PCDH15: variants seen among roughly 807,000 people sequenced by gnomAD.
PCDH15 encodes the protein protocadherin-15.
A neutral mutation model predicts 178.5 loss-of-function variants in PCDH15; 129 were observed. The ratio of observed to expected loss-of-function variants is 0.72; its 90% CI spans 0.63 to 0.84. The LOEUF (loss-of-function observed/expected upper bound fraction) is 0.84. PCDH15 is among the 40% of genes least tolerant of loss of function. The probability of loss-of-function intolerance (pLI) is 0.00; values close to 1 mark genes in which losing one functional copy is unlikely to be tolerated. For missense variants in PCDH15, 2,230 were observed against 2,099.9 expected (o/e 1.06, Z -1.21); for synonymous variants, 800 against 732.0 (o/e 1.09, Z -1.50).
intron 2 of PCDH15, among the ~76,000 whole-genome samples, chr10:54,641,702 A>G (rs1402914086): frequency 1.4e-5 from 2 of 139,594 alleles, no homozygotes. Flanking sequence ...TTAAACTACT[A>G]TTATCTCTCC....
chr10:54,371,328 G>A (rs1426632659), intron 4 of PCDH15, among the ~76,000 whole-genome samples: 1 of 151,712 alleles, frequency 6.6e-6, no homozygotes, highest in Non-Finnish European at 1.5e-5. Flanking sequence ...TGGGCTACTG[G>A]AACACTAATG....
At chr10:53,938,746 G>T in intron 25 of PCDH15, 69 bp downstream of exon 25, 1 of 1,468,720 alleles carries the variant, frequency 6.8e-7, no homozygotes, top group Admixed American at 1.7e-5. Flanking sequence ...TTAGACATAG[G>T]TATTTCATTT....
chr10:54,659,209 G>C (rs963644806), intron 2 of PCDH15, among the ~76,000 whole-genome samples: 5 of 152,128 alleles, frequency 3.3e-5, no homozygotes, highest in African/African-American at 1.2e-4. Flanking sequence ...GACAGCACCA[G>C]ATAGATTATC....
At chr10:55,106,652 G>C (rs369195727) in intron 2 of PCDH15, among the ~76,000 whole-genome samples, 9 of 152,020 alleles carry the variant, frequency 5.9e-5, no homozygotes, top group Admixed American at 3.3e-4. Context: ...CTGACCTCAG[G>C]TGATCCACCC....
chr10:54,308,858 A>G (rs2060716071), intron 8 of PCDH15, among the ~76,000 whole-genome samples: 1 of 151,912 alleles, frequency 6.6e-6, no homozygotes. Flanking sequence ...ATTCAGGACA[A>G]TACTTGCTGA....
In PCDH15 at chr10:54,330,607, A is replaced by G. The variant is rs547475647; in HGVS notation, c.595-901T>C. Among the ~76,000 whole-genome samples the G allele has an allele frequency of 2.6e-5, 4 of 151,934 alleles. No individual in the cohort carries two copies. In the Admixed American group the frequency reaches 2.6e-4, roughly 10 times the overall value. On this transcript the variant is annotated intron_variant, in intron 6 of 37. Coordinates refer to ENST00000644397, the MANE Select transcript of PCDH15 (RefSeq NM_001384140.1). ...TCATTTTTTTCTTTTAGGTTCCACAACTTCTGCTCATTAGTTAAGTTCTCT... is the reference window on the plus strand; with the variant it reads ...TCATTTTTTTCTTTTAGGTTCCACAGCTTCTGCTCATTAGTTAAGTTCTCT...
intron 2 of PCDH15, among the ~76,000 whole-genome samples, chr10:55,336,214 T>C (rs1007408124): frequency 6.8e-6 from 1 of 148,100 alleles, no homozygotes; most frequent in Non-Finnish European, 1.5e-5. Context: ...AAAACAATTC[T>C]CTGGGCCGGG....
At chr10:55,592,579 T>C (rs575236599) in intron 2 of PCDH15, among the ~76,000 whole-genome samples, 1 of 152,292 alleles carries the variant, frequency 6.6e-6, no homozygotes, top group South Asian at 2.1e-4. Context: ...GTGGCTTCCC[T>C]GTGGGGTGCC....
intron 17 of PCDH15, among the ~76,000 whole-genome samples, chr10:54,076,934 C>T (rs1049448617): frequency 1.3e-5 from 2 of 151,930 alleles, no homozygotes; most frequent in Admixed American, 6.6e-5. Flanking sequence ...TGTTTTAAAC[C>T]ACATGATTCT....
At chr10:55,550,469 T>C (rs1841982556) in intron 2 of PCDH15, among the ~76,000 whole-genome samples, 1 of 152,132 alleles carries the variant, frequency 6.6e-6, no homozygotes, top group Non-Finnish European at 1.5e-5. Flanking sequence ...TCTTATAGAA[T>C]ACAGCCTCAG....
chr10:54,521,854 C>T (rs2082899760), intron 3 of PCDH15, among the ~76,000 whole-genome samples: 1 of 151,898 alleles, frequency 6.6e-6, no homozygotes, highest in Non-Finnish European at 1.5e-5. Context: ...CTTTGGGAGG[C>T]CGAGGCGGGT....
intron 15 of PCDH15, among the ~76,000 whole-genome samples, chr10:54,103,863 C>T (rs1002182356): frequency 6.6e-6 from 1 of 152,102 alleles, no homozygotes; most frequent in Admixed American, 6.5e-5. Context: ...ACCATTATCC[C>T]ATACCCATAA....
intron 3 of PCDH15, among the ~76,000 whole-genome samples, chr10:54,861,787 C>A (rs973561252): frequency 6.6e-6 from 1 of 152,112 alleles, no homozygotes; most frequent in Admixed American, 6.5e-5. Flanking sequence ...TGATTTTATA[C>A]ATAAAAACCC....
chr10:54,595,200 A>G (rs2092156941), intron 2 of PCDH15, among the ~76,000 whole-genome samples: 1 of 152,198 alleles, frequency 6.6e-6, no homozygotes, highest in Non-Finnish European at 1.5e-5. Context: ...GGGAGTAGCC[A>G]TTAGAGTGTT....
chr10:55,401,915 C>A (rs573609905), intron 2 of PCDH15, among the ~76,000 whole-genome samples: 2 of 151,884 alleles, frequency 1.3e-5, no homozygotes, highest in African/African-American at 4.8e-5. Flanking sequence ...AGAATGGATG[C>A]TACCCTGAAA....
chr10:55,167,117 AT>A (rs1429374524), intron 1 of PCDH15, among the ~76,000 whole-genome samples: 2 of 152,026 alleles, frequency 1.3e-5, no homozygotes, highest in Non-Finnish European at 2.9e-5. Context: ...TAGCATTTTT[AT>A]TTTATTTTGT....
At chr10:54,224,661 G>A (rs2053236488) in intron 9 of PCDH15, among the ~76,000 whole-genome samples, 1 of 151,898 alleles carries the variant, frequency 6.6e-6, no homozygotes, top group Non-Finnish European at 1.5e-5. Flanking sequence ...TTTCATCTAT[G>A]CCCTAACAAC....
chr10:54,373,866 A>T (rs955404821), intron 4 of PCDH15, among the ~76,000 whole-genome samples: 4 of 152,070 alleles, frequency 2.6e-5, no homozygotes, highest in Admixed American at 1.3e-4. Flanking sequence ...ATAGCACTGG[A>T]TAACAGTGAT....
chr10:55,145,344 T>G (rs2132093582), intron 2 of PCDH15, among the ~76,000 whole-genome samples: 1 of 152,054 alleles, frequency 6.6e-6, no homozygotes, highest in South Asian at 2.1e-4. Flanking sequence ...TTCAGGAAAT[T>G]TAAATAAAAA....
Sources: allele counts gnomAD v4.1 joint callset (sites outside exome capture counted in the v4.1 genomes callset), GRCh38; gene constraint gnomAD v4.1.1; transcripts MANE v1.5; gene names NCBI Gene and HGNC (gene_info 2026-07-23, HGNC 2026-07-21).